The following PLXND1 variants were observed in gnomAD, a reference collection of about 807,000 sequenced individuals.
PLXND1 encodes the protein plexin-D1.
In PLXND1, 54 loss-of-function variants were observed where a neutral mutation model predicts 197.7. The ratio of observed to expected loss-of-function variants is 0.27; its 90% CI spans 0.22 to 0.34. PLXND1 has a LOEUF of 0.34. Ranked by LOEUF, PLXND1 falls within the 10% of genes least tolerant of loss-of-function variation. The pLI, the probability that PLXND1 is intolerant of heterozygous loss-of-function variation, is 1.00. For missense variants in PLXND1, 2,127 were observed against 2,699.2 expected, an observed-to-expected ratio of 0.79 and a Z score of 4.70; for synonymous variants, 1,180 against 1,161.2, an observed-to-expected ratio of 1.02 and a Z score of -0.33.
At position 129,585,991 on chromosome 3, in the gene PLXND1, G is replaced by A. The variant is rs751209503; in HGVS notation, c.1812C>T (p.Thr604=). The change falls in exon 5 of 36, where the codon ACC becomes ACT. Residue 604 remains threonine, a synonymous_variant. Coordinates refer to ENST00000324093, the MANE Select transcript of PLXND1 (RefSeq NM_015103.3). ...GCACATCGATCTCGGAAGGCAGGAC[G>A]GTCATGGCAGGACAGCGGCTGGGGC... The part of the protein sequence containing the change: ...SEGPSRCPAM[T]VLPSEIDVRQ... 33 of 1,613,920 alleles carry A rather than the reference G, an allele frequency of 2.0e-5. No individual in the cohort carries two copies. Among genetic ancestry groups the A allele is most frequent in the Admixed American group, 1.0e-4 (6 of 60,014 alleles).
intron 1 of PLXND1, among the ~76,000 whole-genome samples, chr3:129,599,638 T>C (rs2108804692): frequency 6.6e-6 from 1 of 152,338 alleles, no homozygotes; most frequent in African/African-American, 2.4e-5. Flanking sequence ...CAAATGCAAC[T>C]AGAAGTTCCT....
chr3:129,574,556 C>T (rs1322191150), intron 11 of PLXND1, 66 bp from the exon 12 acceptor site: 13 of 1,488,646 alleles, frequency 8.7e-6, no homozygotes, highest in Admixed American at 1.9e-5. Context: ...CCGCTGTGCC[C>T]TCCACACACA....
rs375693360 is a variant in PLXND1 at position 129,563,252 on chromosome 3, G to C, written c.4522-12C>G. 6.9e-6 allele frequency: 11 copies of C among 1,600,792 alleles called. 1 individual carries two copies. The South Asian group carries it at 1.2e-4, about 18-fold the overall frequency. On this transcript the variant is annotated splice_polypyrimidine_tract_variant and intron_variant, in intron 25 of 35. Transcript: ENST00000324093. Reference sequence around the variant, plus strand: ...TCCCCCACCGTCTCCTGAGGGGCACGGGGGTATCAGGGCCAAGGCCCCCTC... The same window carrying C: ...TCCCCCACCGTCTCCTGAGGGGCACCGGGGTATCAGGGCCAAGGCCCCCTC...
intron 2 of PLXND1, 42 bp downstream of exon 2, chr3:129,589,309 C>CA: frequency 4.7e-6 from 3 of 643,998 alleles, no homozygotes; most frequent in African/African-American, 1.8e-5. Context: ...CCAGGGGAGC[C>CA]TCCCACCCCC....
At chr3:129,586,349 G>C in intron 3 of PLXND1, 77 bp from the exon 4 acceptor site, 1 of 1,216,396 alleles carries the variant, frequency 8.2e-7, no homozygotes, top group Admixed American at 2.0e-5. Flanking sequence ...TCAGCATGGT[G>C]CGGGCCATGA....
Position 129,556,254 on chromosome 3 carries a change from T to A in PLXND1, c.*58A>T. The A allele has an allele frequency of 8.9e-7, 1 of 1,129,804 alleles. No homozygotes were observed. 70.0% of individuals were successfully genotyped at this position (1,129,804 alleles called of 1,614,324 possible). A position where few individuals can be genotyped will look rare whatever the true frequency, so the allele number is the denominator to read the frequency against. On this transcript the variant is annotated 3_prime_UTR_variant, in exon 36 of 36. Coordinates refer to ENST00000324093, the MANE Select transcript of PLXND1 (RefSeq NM_015103.3). ...ACAGGCACGGGGTAGAAGATCAAGT[T>A]GAGGCCCAGTGGGCGTCCATTTCTC... is the stretch of plus-strand genomic sequence containing the variant.
chr3:129,595,730 G>A (rs560258082), intron 1 of PLXND1, among the ~76,000 whole-genome samples: 1 of 152,276 alleles, frequency 6.6e-6, no homozygotes, highest in South Asian at 2.1e-4. Flanking sequence ...ATCTGGAAGG[G>A]CTGAAGCCAG....
Position 129,555,479 on chromosome 3 carries a change from G to A in PLXND1, c.*833C>T, listed in dbSNP as rs1269121309. 4.4e-6 allele frequency: 3 copies of A among 680,986 alleles called. No individual in the cohort carries two copies. The highest frequency in any genetic ancestry group is 2.8e-5 in the East Asian group (1 of 35,924). 42.2% of individuals were successfully genotyped at this position (680,986 alleles called of 1,614,324 possible). ...GGGGAGCCTCTCGGGACCCCTCCCC[G>A]GGTCCTCTGCGCAAGCGGCAGCTAT... On this transcript the variant is annotated 3_prime_UTR_variant, in exon 36 of 36. Coordinates refer to ENST00000324093, the MANE Select transcript of PLXND1 (RefSeq NM_015103.3).
In PLXND1 at chr3:129,605,501, G is replaced by A; in HGVS notation, c.1139C>T (p.Ala380Val). ...AVFERPQGSPAARAAPAALCA... is the reference protein window; with the variant it reads ...AVFERPQGSPVARAAPAALCA... ...GAGTGCGGCCGGAGCAGCGCGGGCCGCGGGGGACCCCTGGGGCCGCTCGAA... is the reference window on the plus strand; with the variant it reads ...GAGTGCGGCCGGAGCAGCGCGGGCCACGGGGGACCCCTGGGGCCGCTCGAA... The change falls in exon 1 of 36, where the codon GCG becomes GTG. Residue 380 changes from alanine (A) to valine (V), a missense_variant. Ala to Val is a moderately conservative substitution (Grantham distance 64). Around this residue, in one of 6 missense-constraint regions of PLXND1, gnomAD observed 1,095 missense variants for 1,259.8 expected, o/e 0.87. Coordinates refer to ENST00000324093, the MANE Select transcript of PLXND1 (RefSeq NM_015103.3). 1.3e-6 allele frequency: 2 copies of A among 1,494,042 alleles called. No individual in the cohort carries two copies. Among genetic ancestry groups the A allele is most frequent in the Non-Finnish European group, 1.8e-6 (2 of 1,130,776 alleles). 92.5% of individuals were successfully genotyped at this position (1,494,042 alleles called of 1,614,324 possible).
chr3:129,605,599 G>C lies in PLXND1; in HGVS notation c.1041C>G (p.Gly347=). The change falls in exon 1 of 36, where the codon GGC becomes GGG. Residue 347 remains glycine (G), a synonymous_variant. Transcript: ENST00000324093. Reference sequence around the variant, plus strand: ...TGTAGAGGTCGCCGCGGCCCGCGCCGCCCGCGCACTGCAAGCCCAACTGGA... The same window carrying C: ...TGTAGAGGTCGCCGCGGCCCGCGCCCCCCGCGCACTGCAAGCCCAACTGGA... The part of the protein sequence containing the change: ...SYIQLGLQCA[G]GAGRGDLYSR... 1 of 1,533,272 alleles carries C rather than the reference G, an allele frequency of 6.5e-7. No individual in the cohort carries two copies. The highest frequency in any genetic ancestry group is 2.5e-5 in the East Asian group (1 of 39,976). 95.0% of individuals were successfully genotyped at this position (1,533,272 alleles called of 1,614,324 possible). A position where few individuals can be genotyped will look rare whatever the true frequency, so the allele number is the denominator to read the frequency against.
At chr3:129,592,786 G>T (rs1207382158) in intron 1 of PLXND1, among the ~76,000 whole-genome samples, 1 of 152,218 alleles carries the variant, frequency 6.6e-6, no homozygotes. Context: ...TTCCGAGGGG[G>T]AAGCTGATTC....
chr3:129,586,275 G>A lies in PLXND1; in HGVS notation c.1621-3C>T, dbSNP rs749367685. 3.6e-5 allele frequency: 56 copies of A among 1,564,618 alleles called. No individual in the cohort carries two copies. Among genetic ancestry groups the A allele is most frequent in the Non-Finnish European group, 4.7e-5 (54 of 1,160,654 alleles). The stretch of plus-strand genomic sequence containing the variant: ...GCGGCGACCTTCACCCTGGCCATCT[G>A]GGGGCAGAGGTGGGGGCCCAGCTCA... On this transcript the variant is annotated splice_polypyrimidine_tract_variant and splice_region_variant and intron_variant, in intron 3 of 35. Transcript: ENST00000324093.
At chr3:129,589,307 G>GCCGGGCCCCCCCCCCCCCC in intron 2 of PLXND1, 44 bp downstream of exon 2, 1 of 684,692 alleles carries the variant, frequency 1.5e-6, no homozygotes, top group East Asian at 3.6e-5. Context: ...TCCCAGGGGA[G>GCCGGGCCCCCCCCCCCCCC]CCTCCCACCC....
intron 9 of PLXND1, among the ~76,000 whole-genome samples, chr3:129,576,084 C>T (rs1377108545): frequency 6.6e-6 from 1 of 152,224 alleles, no homozygotes; most frequent in Non-Finnish European, 1.5e-5. Flanking sequence ...TGGCCTCATG[C>T]GCTCAGCACC....
At chr3:129,567,215 G>A (rs1397394338) in intron 22 of PLXND1, among the ~76,000 whole-genome samples, 1 of 152,146 alleles carries the variant, frequency 6.6e-6, no homozygotes, top group Non-Finnish European at 1.5e-5. Flanking sequence ...GCCCCACCTT[G>A]AAAAGGGGAG....
chr3:129,605,295 C>CGCA (rs2085769091), intron 1 of PLXND1, 34 bp downstream of exon 1: 6 of 1,124,038 alleles, frequency 5.3e-6, no homozygotes, highest in Admixed American at 4.3e-5. Flanking sequence ...CCGCCGCCGC[C>CGCA]GCCGCCGCCG....
In PLXND1 at chr3:129,562,947, C is replaced by T; in HGVS notation, c.4669-4G>A. On this transcript the variant is annotated splice_region_variant and splice_polypyrimidine_tract_variant and intron_variant, in intron 26 of 35. Transcript: ENST00000324093. ...CCTGGAAGGACACGTTCAGGTTCTG[C>T]AGGGGGAGAGTGGGAGAGAAAGGTC... 1 of 1,602,902 alleles carries T rather than the reference C, an allele frequency of 6.2e-7. No individual in the cohort carries two copies. Among genetic ancestry groups the T allele is most frequent in the Non-Finnish European group, 8.5e-7 (1 of 1,170,638 alleles).
At position 129,605,289 on chromosome 3, in the gene PLXND1, C is replaced by T. The variant is rs1482376345; in HGVS notation, c.1311+40G>A. 28 of 992,256 alleles carry T rather than the reference C, an allele frequency of 2.8e-5. No homozygotes were observed. In the Admixed American group the frequency reaches 4.0e-4, roughly 14 times the overall value. The allele number at this position is 992,256 out of a possible 1,614,324, so 61.5% of individuals were successfully genotyped here. On this transcript the variant is annotated intron_variant, in intron 1 of 35. Transcript: ENST00000324093. ...CGCCCGCCCCCGCCCCCGCCCCCGCCGCCGCCGCCGCCGCCGCCGCCGCCA... is the reference window on the plus strand; with the variant it reads ...CGCCCGCCCCCGCCCCCGCCCCCGCTGCCGCCGCCGCCGCCGCCGCCGCCA...
At position 129,573,567 on chromosome 3, in the gene PLXND1, G is replaced by A. The variant is rs760905415; in HGVS notation, c.2837+27C>T. 8.1e-6 allele frequency: 13 copies of A among 1,603,716 alleles called. No homozygotes were observed. In the African/African-American group the frequency reaches 1.3e-4, roughly 16 times the overall value. ...GCAGAGGCTGGCACTGCTGGAGAAG[G>A]TAGGTGGGGGCACCGTGGCTACTCA... On this transcript the variant is annotated intron_variant, in intron 13 of 35. Transcript: ENST00000324093.
Sources: allele counts gnomAD v4.1 joint callset (sites outside exome capture counted in the v4.1 genomes callset), GRCh38; gene constraint gnomAD v4.1.1; regional missense constraint gnomAD v4.1.1; transcripts MANE v1.5; gene names NCBI Gene and HGNC (gene_info 2026-07-23, HGNC 2026-07-21).